Variants in HTR4 observed in about 807,000 individuals in gnomAD.
HTR4 encodes the protein 5-hydroxytryptamine receptor 4, also known as 5-hydroxytryptamine (serotonin) receptor 4, G protein-coupled.
HTR4 carries 16 observed loss-of-function variants against 36.8 expected under a neutral mutation model. The ratio of observed to expected loss-of-function variants is 0.43; its 90% confidence interval spans 0.29 to 0.66. HTR4 has a LOEUF of 0.66. HTR4 is among the 30% of genes least tolerant of loss of function. The probability of loss-of-function intolerance (pLI) is 0.13; values close to 1 mark genes in which losing one functional copy is unlikely to be tolerated. For missense variants in HTR4, 438 were observed against 490.9 expected (o/e 0.89, Z 1.02); for synonymous variants, 189 against 185.1 (o/e 1.02, Z -0.17).
intron 2 of HTR4, among the ~76,000 whole-genome samples, chr5:148,604,603 A>G (rs888764347): frequency 6.6e-6 from 1 of 152,242 alleles, no homozygotes; most frequent in Non-Finnish European, 1.5e-5. Flanking sequence ...AAAACAATTC[A>G]AAGGTCCACT....
intron 2 of HTR4, among the ~76,000 whole-genome samples, chr5:148,555,159 T>C (rs956823268): frequency 5.3e-5 from 8 of 152,318 alleles, no homozygotes; most frequent in African/African-American, 1.7e-4. Flanking sequence ...CTGGCTGTTT[T>C]AGGTCGCTTT....
chr5:148,496,379 C>G (rs1184777511), intron 6 of HTR4, among the ~76,000 whole-genome samples: 4 of 151,812 alleles, frequency 2.6e-5, no homozygotes, highest in Admixed American at 6.6e-5. Flanking sequence ...GAAAAACGAT[C>G]AAGAAAAATA....
intron 5 of HTR4, among the ~76,000 whole-genome samples, chr5:148,516,111 T>C (rs1046216492): frequency 7.9e-5 from 12 of 151,480 alleles, no homozygotes; most frequent in African/African-American, 2.9e-4. Flanking sequence ...CTCTATGTGC[T>C]TCAATCAATA....
intron 2 of HTR4, among the ~76,000 whole-genome samples, chr5:148,597,604 C>T (rs1013584944): frequency 6.6e-6 from 1 of 152,172 alleles, no homozygotes; most frequent in Admixed American, 6.5e-5. Flanking sequence ...TCTCCTAAAG[C>T]AGGGCCTTTG....
chr5:148,611,711 C>T (rs1362290969), intron 2 of HTR4, among the ~76,000 whole-genome samples: 5 of 151,454 alleles, frequency 3.3e-5, no homozygotes, highest in Admixed American at 1.3e-4. Flanking sequence ...CTAAATGCTC[C>T]AATTAAAAGA....
chr5:148,482,757 C>A lies in HTR4; in HGVS notation c.*446G>T. On this transcript the variant is annotated 3_prime_UTR_variant, in exon 7 of 7. Coordinates refer to ENST00000377888, the MANE Select transcript of HTR4 (RefSeq NM_000870.7). ...GCAAGTAAGCAAGACAGGAGCGACG[C>A]CTCTGGCTAAGACAGGAACAGAGAG... The A allele has an allele frequency of 9.8e-7, 1 of 1,019,798 alleles. No individual in the cohort carries two copies. Among genetic ancestry groups the A allele is most frequent in the Non-Finnish European group, 1.2e-6 (1 of 849,158 alleles). The allele number at this position is 1,019,798 out of a possible 1,614,324, so 63.2% of individuals were successfully genotyped here.
At chr5:148,588,212 T>G (rs1021131318) in intron 2 of HTR4, among the ~76,000 whole-genome samples, 3 of 152,238 alleles carry the variant, frequency 2.0e-5, no homozygotes, top group African/African-American at 7.2e-5. Flanking sequence ...AGCACTGGTC[T>G]CATTTAATCT....
chr5:148,500,650 C>A, intron 6 of HTR4, among the ~76,000 whole-genome samples: 1 of 151,452 alleles, frequency 6.6e-6, no homozygotes, highest in African/African-American at 2.4e-5. Flanking sequence ...AAAGAACACC[C>A]AGAAATTAAT....
intron 5 of HTR4, among the ~76,000 whole-genome samples, chr5:148,520,541 A>G (rs1757961588): frequency 6.6e-6 from 1 of 152,182 alleles, no homozygotes; most frequent in Admixed American, 6.5e-5. Context: ...CCGGGCTCAG[A>G]TACAGTCCCC....
At chr5:148,644,160 C>T (rs968068372) in intron 1 of HTR4, among the ~76,000 whole-genome samples, 4 of 152,142 alleles carry the variant, frequency 2.6e-5, no homozygotes, top group African/African-American at 9.7e-5. Context: ...CTTTGAGAAC[C>T]ACCACGGCAA....
At chr5:148,493,425 C>A (rs980099888) in intron 6 of HTR4, among the ~76,000 whole-genome samples, 1 of 152,136 alleles carries the variant, frequency 6.6e-6, no homozygotes, top group Non-Finnish European at 1.5e-5. Context: ...TATGAACTAC[C>A]TACCATGATC....
chr5:148,463,165 CTTTTTT>C (rs71001490), intron 5 of HTR4, among the ~76,000 whole-genome samples: 188 of 64,122 alleles, frequency 2.9e-3, no homozygotes, highest in African/African-American at 7.0e-3. Context: ...CTTTTTTTTT[CTTTTTT>C]TTTTTTTTTT....
intron 2 of HTR4, among the ~76,000 whole-genome samples, chr5:148,569,399 A>G (rs888836698): frequency 2.0e-5 from 3 of 152,108 alleles, no homozygotes; most frequent in Non-Finnish European, 4.4e-5. Flanking sequence ...TAGCCAATGC[A>G]TGTGAGGCTT....
intron 4 of HTR4, among the ~76,000 whole-genome samples, chr5:148,543,548 A>C (rs2113836514): frequency 6.6e-6 from 1 of 152,328 alleles, no homozygotes; most frequent in Non-Finnish European, 1.5e-5. Context: ...ATATATTCAA[A>C]TAAGTCTGCT....
chr5:148,527,241 G>A (rs1447906097), intron 4 of HTR4, among the ~76,000 whole-genome samples: 1 of 152,220 alleles, frequency 6.6e-6, no homozygotes, highest in Non-Finnish European at 1.5e-5. Context: ...AAAGCAGGAT[G>A]TCTTACCTGA....
chr5:148,501,505 TTAG>T (rs1163284563), intron 6 of HTR4, among the ~76,000 whole-genome samples: 1 of 152,248 alleles, frequency 6.6e-6, no homozygotes, highest in African/African-American at 2.4e-5. Flanking sequence ...AAAAATTGTC[TTAG>T]TTGTGTTAAG....
chr5:148,641,651 C>T (rs1402064518), intron 1 of HTR4, among the ~76,000 whole-genome samples: 2 of 152,140 alleles, frequency 1.3e-5, no homozygotes, highest in Non-Finnish European at 2.9e-5. Context: ...TTTTTCTTCA[C>T]GGATATATTC....
intron 2 of HTR4, among the ~76,000 whole-genome samples, chr5:148,564,600 C>T (rs1387841512): frequency 6.6e-6 from 1 of 152,126 alleles, no homozygotes; most frequent in Non-Finnish European, 1.5e-5. Flanking sequence ...TTCTGTTAAT[C>T]CTGTCTCTAA....
intron 2 of HTR4, among the ~76,000 whole-genome samples, chr5:148,599,521 T>C (rs1301796960): frequency 1.3e-5 from 2 of 152,016 alleles, no homozygotes; most frequent in African/African-American, 4.8e-5. Context: ...AACCTGGACA[T>C]TTTATATCCA....
Sources: allele counts gnomAD v4.1 joint callset (sites outside exome capture counted in the v4.1 genomes callset), GRCh38; gene constraint gnomAD v4.1.1; transcripts MANE v1.5; gene names NCBI Gene and HGNC (gene_info 2026-07-23, HGNC 2026-07-21).